The following GABBR2 variants were observed in gnomAD, a reference collection of about 807,000 sequenced individuals.
GABBR2 encodes G-protein coupled receptor 51.
GABBR2 carries 23 observed loss-of-function variants against 105.6 expected under a neutral mutation model. That is an observed-to-expected ratio of 0.22 (90% CI 0.16 to 0.31). GABBR2 has a LOEUF of 0.31. GABBR2 is among the 10% of genes least tolerant of loss of function. The probability of loss-of-function intolerance (pLI) is 1.00; values close to 1 mark genes in which losing one functional copy is unlikely to be tolerated. For missense variants in GABBR2, 734 were observed against 1,245.5 expected, an observed-to-expected ratio of 0.59 and a Z score of 6.18; for synonymous variants, 478 against 499.7, an observed-to-expected ratio of 0.96 and a Z score of 0.58.
chr9:98,636,975 AGG>A (rs758977201), intron 1 of GABBR2, among the ~76,000 whole-genome samples: 1 of 152,126 alleles, frequency 6.6e-6, no homozygotes, highest in Non-Finnish European at 1.5e-5. Flanking sequence ...GGAATTCTTG[AGG>A]GGAGGAACGT....
chr9:98,298,469 C>A (rs529203781), intron 17 of GABBR2, among the ~76,000 whole-genome samples: 1 of 152,298 alleles, frequency 6.6e-6, no homozygotes, highest in East Asian at 1.9e-4. Flanking sequence ...AGTAGAACTG[C>A]CAGGTCAAGA....
Position 98,308,166 on chromosome 9 carries a change from G to A in GABBR2, c.2005-1821C>T, listed in dbSNP as rs552436399. 6.6e-5 allele frequency among the ~76,000 whole-genome samples: 10 copies of A among 152,254 alleles called. No individual in the cohort carries two copies. The South Asian group carries it at 1.2e-3, about 19-fold the overall frequency. On this transcript the variant is annotated intron_variant, in intron 14 of 18. Transcript: ENST00000259455. ...GGAGAATCGCTTGAACCCAGGAGGCGGAGGTTGCAGTGAGCAGAGATCCTA... is the reference window on the plus strand; with the variant it reads ...GGAGAATCGCTTGAACCCAGGAGGCAGAGGTTGCAGTGAGCAGAGATCCTA...
intron 10 of GABBR2, among the ~76,000 whole-genome samples, chr9:98,387,436 G>C (rs1832093675): frequency 6.6e-6 from 1 of 152,314 alleles, no homozygotes; most frequent in South Asian, 2.1e-4. Flanking sequence ...ATGTGCCCAG[G>C]CCTGTGCCAA....
At chr9:98,379,098 G>T (rs1260823496) in intron 11 of GABBR2, among the ~76,000 whole-genome samples, 1 of 152,142 alleles carries the variant, frequency 6.6e-6, no homozygotes, top group Non-Finnish European at 1.5e-5. Flanking sequence ...CTGCCCCAAA[G>T]CCCCTTTCAG....
At chr9:98,490,794 T>C (rs1169741136) in intron 4 of GABBR2, among the ~76,000 whole-genome samples, 2 of 152,206 alleles carry the variant, frequency 1.3e-5, no homozygotes, top group Non-Finnish European at 2.9e-5. Context: ...GTGGTCTCTG[T>C]GCAGAGCAGC....
chr9:98,616,401 A>G (rs925355259), intron 1 of GABBR2, among the ~76,000 whole-genome samples: 19 of 152,200 alleles, frequency 1.2e-4, no homozygotes, highest in African/African-American at 4.6e-4. Flanking sequence ...ACACAACACA[A>G]GTGCAGCTAG....
chr9:98,385,891 G>T, intron 10 of GABBR2, 119 bp from the exon 11 acceptor site: 1 of 775,970 alleles, frequency 1.3e-6, no homozygotes. Context: ...GGGAGAGAGA[G>T]AAACAGAAAT....
Position 98,548,892 on chromosome 9 carries a change from G to T in GABBR2, c.460-6849C>A, listed in dbSNP as rs1195577027. Among the ~76,000 whole-genome samples, 2 of 121,102 alleles carry T rather than the reference G, an allele frequency of 1.7e-5. 1 individual carries two copies. Among genetic ancestry groups the T allele is most frequent in the East Asian group, 7.2e-4 (2 of 2,796 alleles). The allele number at this position is 121,102 out of a possible 152,430, so 79.4% of individuals were successfully genotyped here. ...GAGTATTGGGGTCTCTTGGTTCCTT[G>T]AGAGTGTATGTATGTGTATGTTTTT... is the stretch of plus-strand genomic sequence containing the variant. On this transcript the variant is annotated intron_variant, in intron 2 of 18. Transcript: ENST00000259455.
chr9:98,357,692 A>AC (rs60451771), intron 13 of GABBR2, among the ~76,000 whole-genome samples: 14,879 of 151,736 alleles, frequency 0.098, 1,107 homozygotes, highest in African/African-American at 0.19. Flanking sequence ...AAAAAAAAAA[A>AC]CCCCACATCA....
intron 13 of GABBR2, among the ~76,000 whole-genome samples, chr9:98,338,815 A>T (rs981063636): frequency 6.6e-6 from 1 of 152,266 alleles, no homozygotes; most frequent in African/African-American, 2.4e-5. Context: ...ATATGTTCAC[A>T]CAAAAATTTG....
At chr9:98,518,418 C>T (rs1402697828) in intron 3 of GABBR2, among the ~76,000 whole-genome samples, 1 of 152,220 alleles carries the variant, frequency 6.6e-6, no homozygotes, top group Non-Finnish European at 1.5e-5. Flanking sequence ...CATTTCACCA[C>T]TGACCATGCA....
intron 3 of GABBR2, among the ~76,000 whole-genome samples, chr9:98,505,117 G>C (rs1408951899): frequency 2.6e-5 from 4 of 152,240 alleles, no homozygotes; most frequent in African/African-American, 9.6e-5. Flanking sequence ...GGAGAAGGTG[G>C]CTTTGATAGA....
intron 9 of GABBR2, among the ~76,000 whole-genome samples, chr9:98,393,829 G>T (rs2131506448): frequency 6.6e-6 from 1 of 152,356 alleles, no homozygotes; most frequent in Middle Eastern, 3.4e-3. Context: ...CTTCTAGGAA[G>T]AGCAGCAGAT....
intron 1 of GABBR2, among the ~76,000 whole-genome samples, chr9:98,600,760 G>A (rs2258938): frequency 0.078 from 11,940 of 152,256 alleles, 964 homozygotes; most frequent in East Asian, 0.43. Context: ...CTCAAGTCCC[G>A]TACGTTCTAC....
intron 1 of GABBR2, among the ~76,000 whole-genome samples, chr9:98,595,742 C>G (rs1829225880): frequency 1.3e-5 from 2 of 151,964 alleles, no homozygotes; most frequent in Non-Finnish European, 2.9e-5. Context: ...GGCCCCATAT[C>G]TAGAGGGCCA....
At chr9:98,465,121 TA>T (rs57747633) in intron 6 of GABBR2, among the ~76,000 whole-genome samples, 383 of 22,000 alleles carry the variant, frequency 0.017, 3 homozygotes, top group African/African-American at 0.039. Flanking sequence ...CAATAAATAC[TA>T]AAAAAAAAAA....
chr9:98,436,327 T>C (rs1825907227), intron 7 of GABBR2, among the ~76,000 whole-genome samples: 1 of 47,618 alleles, frequency 2.1e-5, no homozygotes, highest in East Asian at 8.1e-4. Context: ...CATATATATA[T>C]ATATACACAC....
chr9:98,509,719 AAAAAAGAAT>A (rs891595097), intron 3 of GABBR2, among the ~76,000 whole-genome samples: 2 of 152,212 alleles, frequency 1.3e-5, no homozygotes, highest in African/African-American at 4.8e-5. Context: ...AAGTTTAGAG[AAAAAAGAAT>A]AAAAAGAAAT....
At chr9:98,589,920 G>C (rs1298604911) in intron 1 of GABBR2, among the ~76,000 whole-genome samples, 1 of 151,996 alleles carries the variant, frequency 6.6e-6, no homozygotes, top group Non-Finnish European at 1.5e-5. Context: ...TCACTGTGTT[G>C]CCTAAACTGG....
Sources: allele counts gnomAD v4.1 joint callset (sites outside exome capture counted in the v4.1 genomes callset), GRCh38; gene constraint gnomAD v4.1.1; transcripts MANE v1.5; gene names NCBI Gene and HGNC (gene_info 2026-07-23, HGNC 2026-07-21).